PDE1C: variants seen among roughly 807,000 people sequenced by gnomAD.
PDE1C encodes the protein phosphodiesterase 1C.
PDE1C carries 62 observed loss-of-function variants against 93.1 expected under a neutral mutation model. The observed-to-expected ratio is 0.67, with a 90% CI of 0.54 to 0.82. The LOEUF (loss-of-function observed/expected upper bound fraction) is 0.82. Among genes scored for constraint, PDE1C ranks in the 40% least tolerant of loss-of-function variants. The probability of loss-of-function intolerance (pLI) is 0.00; values close to 1 mark genes in which losing one functional copy is unlikely to be tolerated. For missense variants in PDE1C, 742 were observed against 884.6 expected, an observed-to-expected ratio of 0.84 and a Z score of 2.04; for synonymous variants, 325 against 310.1, an observed-to-expected ratio of 1.05 and a Z score of -0.50.
the PDE1C span, among the ~76,000 whole-genome samples, chr7:31,621,208 C>T: frequency 6.6e-6 from 1 of 151,976 alleles, no homozygotes; most frequent in African/African-American, 2.4e-5. Context: ...GGAGAACTTC[C>T]CCAATCTAGC....
At chr7:32,267,685 CT>C (rs1313804284) in intron 1 of PDE1C, among the ~76,000 whole-genome samples, 2 of 151,576 alleles carry the variant, frequency 1.3e-5, no homozygotes, top group Non-Finnish European at 2.9e-5. Context: ...TCTAGCACCC[CT>C]GGCAGTGACA....
chr7:31,934,733 C>A (rs1804797576), intron 2 of PDE1C, among the ~76,000 whole-genome samples: 2 of 152,070 alleles, frequency 1.3e-5, no homozygotes, highest in Non-Finnish European at 2.9e-5. Flanking sequence ...CCATCATTCT[C>A]CTAAATGCCC....
intron 1 of PDE1C, among the ~76,000 whole-genome samples, chr7:32,219,357 C>G (rs1188528430): frequency 6.6e-6 from 1 of 152,156 alleles, no homozygotes; most frequent in East Asian, 1.9e-4. Context: ...ATTTCCCTTT[C>G]ATAGCAAGAA....
At chr7:32,037,460 T>C (rs1791258911) in intron 2 of PDE1C, among the ~76,000 whole-genome samples, 1 of 152,110 alleles carries the variant, frequency 6.6e-6, no homozygotes, top group Admixed American at 6.6e-5. Context: ...GGGACTCAGA[T>C]AACAAAAGCG....
At chr7:31,759,220 A>T (rs918981819) in intron 17 of PDE1C, among the ~76,000 whole-genome samples, 1 of 152,170 alleles carries the variant, frequency 6.6e-6, no homozygotes, top group Non-Finnish European at 1.5e-5. Flanking sequence ...ACAGAGCAAA[A>T]CACCAGAGCC....
intron 1 of PDE1C, among the ~76,000 whole-genome samples, chr7:32,357,722 A>G (rs1186795368): frequency 2.6e-5 from 4 of 152,172 alleles, no homozygotes; most frequent in African/African-American, 7.2e-5. Context: ...TTCTTTATCT[A>G]TAGTGCCATC....
intron 1 of PDE1C, among the ~76,000 whole-genome samples, chr7:32,369,884 G>C (rs1001143835): frequency 6.6e-6 from 1 of 152,200 alleles, no homozygotes; most frequent in Non-Finnish European, 1.5e-5. Context: ...CTGTTGGTAG[G>C]AGTGTAAACT....
intron 2 of PDE1C, among the ~76,000 whole-genome samples, chr7:31,904,036 G>A (rs1442712545): frequency 1.4e-4 from 22 of 152,104 alleles, no homozygotes. Context: ...ATTTATAATT[G>A]CACATATGTA....
At chr7:32,341,433 C>G (rs1390085382) in intron 1 of PDE1C, among the ~76,000 whole-genome samples, 3 of 151,646 alleles carry the variant, frequency 2.0e-5, no homozygotes, top group Non-Finnish European at 4.4e-5. Flanking sequence ...CCTCGGCCTC[C>G]CAAAGTGCTG....
chr7:32,240,903 A>G (rs904730158), intron 1 of PDE1C, among the ~76,000 whole-genome samples: 1 of 152,208 alleles, frequency 6.6e-6, no homozygotes, highest in East Asian at 1.9e-4. Context: ...GTGGTGAGAC[A>G]TGATCCACTT....
the PDE1C span, among the ~76,000 whole-genome samples, chr7:31,659,121 C>T: frequency 1.3e-5 from 2 of 152,050 alleles, no homozygotes; most frequent in African/African-American, 4.8e-5. Flanking sequence ...AATAATGTTT[C>T]CAGTATTCTC....
chr7:32,122,741 A>G (rs1221437848), intron 3 of PDE1C, among the ~76,000 whole-genome samples: 1 of 152,194 alleles, frequency 6.6e-6, no homozygotes, highest in African/African-American at 2.4e-5. Context: ...TTATAGCACT[A>G]AATGCCCACA....
chr7:32,039,811 T>C (rs30573), intron 2 of PDE1C, among the ~76,000 whole-genome samples: 81,446 of 152,054 alleles, frequency 0.54, 23,465 homozygotes, highest in Middle Eastern at 0.71. Flanking sequence ...TCCCAGTAAA[T>C]ATATTTTGTT....
chr7:31,686,417 G>T, the PDE1C span, among the ~76,000 whole-genome samples: 3 of 152,170 alleles, frequency 2.0e-5, no homozygotes, highest in Admixed American at 2.0e-4. Flanking sequence ...CCTAATATTG[G>T]TACATTTGGC....
At chr7:32,045,264 T>A (rs1441837369) in intron 2 of PDE1C, among the ~76,000 whole-genome samples, 1 of 151,992 alleles carries the variant, frequency 6.6e-6, no homozygotes, top group East Asian at 1.9e-4. Context: ...TCACATTAAC[T>A]GCCCCAGGAC....
intron 1 of PDE1C, among the ~76,000 whole-genome samples, chr7:32,261,252 C>A (rs542804785): frequency 6.6e-6 from 1 of 152,266 alleles, no homozygotes; most frequent in East Asian, 1.9e-4. Flanking sequence ...TGCAGACCCC[C>A]ACACTTGATG....
intron 1 of PDE1C, among the ~76,000 whole-genome samples, chr7:32,298,232 CTCTG>C (rs975900055): frequency 1.4e-4 from 22 of 151,958 alleles, no homozygotes; most frequent in African/African-American, 4.4e-4. Context: ...GTTCCTGCCG[CTCTG>C]TCTGTGTGTC....
chr7:32,144,820 TA>T (rs1420120402), intron 3 of PDE1C, among the ~76,000 whole-genome samples: 1 of 152,142 alleles, frequency 6.6e-6, no homozygotes, highest in Non-Finnish European at 1.5e-5. Flanking sequence ...CCCCTTAATG[TA>T]AATGATGAAC....
chr7:32,203,838 C>G (rs1317592566), intron 2 of PDE1C, among the ~76,000 whole-genome samples: 1 of 152,180 alleles, frequency 6.6e-6, no homozygotes, highest in Non-Finnish European at 1.5e-5. Context: ...AACAACAAAA[C>G]TAGCACGAAT....
Sources: gnomAD v4.1 joint callset for allele counts (sites outside exome capture counted in the v4.1 genomes callset) on GRCh38, gnomAD v4.1.1 for gene constraint, MANE v1.5 for transcripts, NCBI Gene and HGNC (gene_info 2026-07-23, HGNC 2026-07-21) for gene names.